Variants in SMAD3 observed in about 807,000 individuals in gnomAD.
The protein encoded by SMAD3 is SMAD family member 3.
SMAD3 carries 12 observed loss-of-function variants against 51.8 expected under a neutral mutation model. The ratio of observed to expected loss-of-function variants is 0.23; its 90% CI spans 0.15 to 0.38. The LOEUF is 0.38. SMAD3 is among the 10% of genes least tolerant of loss of function. The pLI is 1.00. For synonymous variants in SMAD3, 238 were observed against 227.7 expected, an observed-to-expected ratio of 1.05 and a Z score of -0.41; for missense variants, 294 against 565.6, an observed-to-expected ratio of 0.52 and a Z score of 4.87.
rs561825352 is a variant in SMAD3, at chr15:67,189,737, C to T, written c.1155-676C>T. Among the ~76,000 whole-genome samples, 8 of 152,290 alleles carry T rather than the reference C, an allele frequency of 5.3e-5. No homozygotes were observed. The South Asian group carries it at 1.7e-3, about 32-fold the overall frequency. ...TTTGCTCAGTGGAGGCCTTTGGGAG[C>T]CTGCCTGCAAGCTGCGTCATCAACC... is the stretch of plus-strand genomic sequence containing the variant. On this transcript the variant is annotated intron_variant, in intron 8 of 8. Coordinates refer to ENST00000327367, the MANE Select transcript of SMAD3 (RefSeq NM_005902.4).
At chr15:67,110,494 C>T (rs1375605149) in intron 1 of SMAD3, among the ~76,000 whole-genome samples, 7 of 152,088 alleles carry the variant, frequency 4.6e-5, no homozygotes, top group Non-Finnish European at 7.4e-5. Context: ...CTTGGTAGTC[C>T]CTCCCCCTAC....
At chr15:67,114,613 C>T (rs951982310) in intron 1 of SMAD3, among the ~76,000 whole-genome samples, 5 of 152,138 alleles carry the variant, frequency 3.3e-5, no homozygotes, top group African/African-American at 9.7e-5. Context: ...GTTCAGGGTG[C>T]GTTACCTGCC....
At chr15:67,118,877 A>C (rs1173532745) in intron 1 of SMAD3, among the ~76,000 whole-genome samples, 1 of 152,242 alleles carries the variant, frequency 6.6e-6, no homozygotes, top group Admixed American at 6.5e-5. Context: ...GCTCAGGGAC[A>C]TGCATCCCCT....
intron 1 of SMAD3, among the ~76,000 whole-genome samples, chr15:67,150,843 C>A (rs1595931467): frequency 3.4e-5 from 1 of 29,550 alleles, no homozygotes; most frequent in Non-Finnish European, 7.3e-5. Context: ...AGCTATTTCT[C>A]AGTCTTTTTT....
At chr15:67,077,391 G>A (rs1033453200) in intron 1 of SMAD3, among the ~76,000 whole-genome samples, 3 of 152,182 alleles carry the variant, frequency 2.0e-5, no homozygotes, top group Non-Finnish European at 4.4e-5. Flanking sequence ...AGGCCAGAGT[G>A]AATTTAATGC....
chr15:67,112,834 G>A (rs1961047510), intron 1 of SMAD3, among the ~76,000 whole-genome samples: 1 of 130,562 alleles, frequency 7.7e-6, no homozygotes, highest in Non-Finnish European at 1.6e-5. Context: ...GTGAGGTAGG[G>A]GTTCAACTTC....
At chr15:67,078,317 T>G (rs1003406133) in intron 1 of SMAD3, among the ~76,000 whole-genome samples, 1 of 152,184 alleles carries the variant, frequency 6.6e-6, no homozygotes, top group African/African-American at 2.4e-5. Flanking sequence ...CTCTGCTGGG[T>G]CTTCCCTGTG....
intron 1 of SMAD3, among the ~76,000 whole-genome samples, chr15:67,162,040 T>G (rs79483120): frequency 0.055 from 8,424 of 152,256 alleles, 312 homozygotes; most frequent in Admixed American, 0.095. Context: ...GGAAGGTAAT[T>G]ACATCCTTCA....
chr15:67,178,915 C>G (rs1962977747), intron 5 of SMAD3, among the ~76,000 whole-genome samples: 1 of 151,974 alleles, frequency 6.6e-6, no homozygotes, highest in Non-Finnish European at 1.5e-5. Context: ...TTTGCTCCAC[C>G]CCAGGAAGAG....
At chr15:67,179,838 T>G (rs771799571) in intron 5 of SMAD3, among the ~76,000 whole-genome samples, 4 of 151,972 alleles carry the variant, frequency 2.6e-5, no homozygotes, top group Non-Finnish European at 5.9e-5. Context: ...GCGTCTCCTG[T>G]TCCTCCCTGA....
chr15:67,077,729 G>A (rs1960201529), intron 1 of SMAD3, among the ~76,000 whole-genome samples: 1 of 152,206 alleles, frequency 6.6e-6, no homozygotes, highest in Admixed American at 6.5e-5. Flanking sequence ...TAGGAGTGTA[G>A]GAGTGGAGTG....
intron 1 of SMAD3, among the ~76,000 whole-genome samples, chr15:67,070,748 AAAT>A (rs779295471): frequency 1.7e-4 from 26 of 151,706 alleles, no homozygotes; most frequent in Non-Finnish European, 1.6e-4. Flanking sequence ...TTAGGAAATA[AAAT>A]AATGACAGGC....
intron 1 of SMAD3, among the ~76,000 whole-genome samples, chr15:67,099,216 A>G (rs1361351951): frequency 6.6e-6 from 1 of 152,222 alleles, no homozygotes; most frequent in African/African-American, 2.4e-5. Flanking sequence ...TGGATTCAGC[A>G]TGCTGATTAT....
At chr15:67,167,264 G>A (rs1260838252) in intron 4 of SMAD3, among the ~76,000 whole-genome samples, 1 of 152,166 alleles carries the variant, frequency 6.6e-6, no homozygotes, top group Non-Finnish European at 1.5e-5. Flanking sequence ...TGGGGGTTGG[G>A]CAGGACAGCC....
intron 6 of SMAD3, among the ~76,000 whole-genome samples, chr15:67,182,534 C>T (rs1273906286): frequency 1.3e-5 from 2 of 152,142 alleles, no homozygotes; most frequent in Non-Finnish European, 2.9e-5. Flanking sequence ...CCCACGTGAA[C>T]CAGGGCACCT....
chr15:67,149,647 C>T (rs946036111), intron 1 of SMAD3, among the ~76,000 whole-genome samples: 1 of 151,998 alleles, frequency 6.6e-6, no homozygotes, highest in Non-Finnish European at 1.5e-5. Flanking sequence ...CCCAATGAAC[C>T]AGAACCTTTT....
chr15:67,125,234 C>A (rs925834700), intron 1 of SMAD3, among the ~76,000 whole-genome samples: 19 of 152,242 alleles, frequency 1.2e-4, no homozygotes, highest in African/African-American at 4.6e-4. Flanking sequence ...TGCTGCTGAA[C>A]CTCCTGGCCT....
intron 1 of SMAD3, among the ~76,000 whole-genome samples, chr15:67,150,847 CTTTTTTTTTTTTTT>C (rs58914503): frequency 1.4e-4 from 2 of 14,668 alleles, no homozygotes; most frequent in Admixed American, 1.7e-3. Context: ...ATTTCTCAGT[CTTTTTTTTTTTTTT>C]TTTTTTTTTT....
intron 5 of SMAD3, among the ~76,000 whole-genome samples, chr15:67,172,467 C>G (rs1363756678): frequency 6.6e-6 from 1 of 152,232 alleles, no homozygotes; most frequent in Non-Finnish European, 1.5e-5. Flanking sequence ...TTCACCCATT[C>G]AAACCATTGA....
Sources: gnomAD v4.1 joint callset for allele counts (sites outside exome capture counted in the v4.1 genomes callset) on GRCh38, gnomAD v4.1.1 for gene constraint, MANE v1.5 for transcripts, NCBI Gene and HGNC (gene_info 2026-07-23, HGNC 2026-07-21) for gene names.